Variants in SIPA1L1 observed in about 807,000 individuals in gnomAD.
SIPA1L1 encodes signal-induced proliferation-associated 1-like protein 1.
A neutral mutation model predicts 162.7 loss-of-function variants in SIPA1L1; 26 were observed. The ratio of observed to expected loss-of-function variants is 0.16; its 90% CI spans 0.12 to 0.22. SIPA1L1 has a LOEUF of 0.22. Among genes scored for constraint, SIPA1L1 ranks in the 10% least tolerant of loss-of-function variants. SIPA1L1 has a pLI of 1.00. For synonymous variants in SIPA1L1, 829 were observed against 837.4 expected, an observed-to-expected ratio of 0.99 and a Z score of 0.17; for missense variants, 1,874 against 2,241.0, an observed-to-expected ratio of 0.84 and a Z score of 3.31.
At chr14:71,468,044 G>GTGTGTGTC (rs1347189304) in intron 2 of SIPA1L1, among the ~76,000 whole-genome samples, 2 of 145,470 alleles carry the variant, frequency 1.4e-5, no homozygotes, top group African/African-American at 2.5e-5. Context: ...GTGTGTGTGT[G>GTGTGTGTC]TGTCTGTCTG....
intron 4 of SIPA1L1, among the ~76,000 whole-genome samples, chr14:71,565,826 A>T (rs1040526072): frequency 9.1e-5 from 4 of 43,796 alleles, no homozygotes; most frequent in Non-Finnish European, 1.1e-4. Flanking sequence ...AAATATTTAT[A>T]AAAAAAATCC....
chr14:71,410,158 T>G (rs2042304176), intron 2 of SIPA1L1, among the ~76,000 whole-genome samples: 1 of 152,252 alleles, frequency 6.6e-6, no homozygotes, highest in African/African-American at 2.4e-5. Flanking sequence ...ATGACAATAC[T>G]GTATTTAATT....
intron 19 of SIPA1L1, among the ~76,000 whole-genome samples, chr14:71,725,195 A>G (rs906745894): frequency 6.6e-6 from 1 of 152,228 alleles, no homozygotes; most frequent in Non-Finnish European, 1.5e-5. Context: ...AACGTTTTCC[A>G]TAAGGGTTTT....
At chr14:71,422,398 G>T (rs528450281) in intron 2 of SIPA1L1, among the ~76,000 whole-genome samples, 1 of 152,184 alleles carries the variant, frequency 6.6e-6, no homozygotes, top group South Asian at 2.1e-4. Flanking sequence ...ATGTTGTCCA[G>T]CTGTCACCAC....
intron 2 of SIPA1L1, among the ~76,000 whole-genome samples, chr14:71,366,229 G>C (rs2038282859): frequency 6.6e-6 from 1 of 152,090 alleles, no homozygotes; most frequent in Non-Finnish European, 1.5e-5. Context: ...AAGTCTTAGT[G>C]GTGGTGTAGT....
At position 71,699,041 on chromosome 14, in the gene SIPA1L1, G is replaced by T; in HGVS notation, c.3435G>T (p.Gln1145His). The T allele has an allele frequency of 6.2e-7, 1 of 1,614,220 alleles. No individual in the cohort carries two copies. Among genetic ancestry groups the T allele is most frequent in the Non-Finnish European group, 8.5e-7 (1 of 1,180,024 alleles). Residue 1145 changes from glutamine to histidine, a missense_variant, in exon 14 of 24, where the codon CAG becomes CAT. Gln to His is a conservative substitution (Grantham distance 24). Coordinates refer to ENST00000381232, the MANE Select transcript of SIPA1L1 (RefSeq NM_001386936.1). The stretch of plus-strand genomic sequence containing the variant: ...CATCCATGGCTTTAGCAAGATCCCA[G>T]TGTCGGAACTCTCCTAGCAACTTGT... ...TVSSMALARS[Q>H]CRNSPSNLSS...
intron 2 of SIPA1L1, among the ~76,000 whole-genome samples, chr14:71,509,008 A>G (rs2050898137): frequency 6.6e-6 from 1 of 152,162 alleles, no homozygotes; most frequent in South Asian, 2.1e-4. Context: ...TCCCTGGCTC[A>G]CCATCCAAGG....
At chr14:71,467,512 A>G (rs529409562) in intron 2 of SIPA1L1, among the ~76,000 whole-genome samples, 100 of 152,342 alleles carry the variant, frequency 6.6e-4, no homozygotes, top group Non-Finnish European at 1.1e-3. Context: ...GTAGAAGCCT[A>G]TTAAAATCTT....
chr14:71,625,211 A>G (rs531896481), intron 7 of SIPA1L1, among the ~76,000 whole-genome samples: 3 of 152,320 alleles, frequency 2.0e-5, no homozygotes, highest in African/African-American at 7.2e-5. Context: ...TGAGAGTCCA[A>G]AAAATCAGTT....
Position 71,377,958 on chromosome 14 carries a change from G to A in SIPA1L1, c.-465+56777G>A, listed in dbSNP as rs1045882351. On this transcript the variant is annotated intron_variant, in intron 2 of 23. Coordinates refer to ENST00000381232, the MANE Select transcript of SIPA1L1 (RefSeq NM_001386936.1). This position sits in a 1 kb window ranked among gnomAD's most constrained non-coding sequence, Gnocchi z 4.8. Reference sequence around the variant, plus strand: ...CCAGCCTCGGCAACCGAGGGAGACCGTGGAAAGCAGGAGATGGAGACGAGG... The same window carrying A: ...CCAGCCTCGGCAACCGAGGGAGACCATGGAAAGCAGGAGATGGAGACGAGG... 1.2e-4 allele frequency among the ~76,000 whole-genome samples: 19 copies of A among 152,182 alleles called. No homozygotes were observed. The highest frequency in any genetic ancestry group is 7.2e-4 in the Admixed American group (11 of 15,282).
chr14:71,465,307 A>C (rs773042944), intron 2 of SIPA1L1, among the ~76,000 whole-genome samples: 12 of 152,224 alleles, frequency 7.9e-5, no homozygotes, highest in Non-Finnish European at 1.5e-4. Flanking sequence ...TACAGCAGAT[A>C]AGACTCTCAC....
intron 2 of SIPA1L1, among the ~76,000 whole-genome samples, chr14:71,346,200 C>G (rs2140496172): frequency 6.6e-6 from 1 of 152,218 alleles, no homozygotes; most frequent in Non-Finnish European, 1.5e-5. Flanking sequence ...GCCACCGCAC[C>G]CAGTCAAATT....
At position 71,589,293 on chromosome 14, in the gene SIPA1L1, T is replaced by C; in HGVS notation, c.1421T>C (p.Leu474Pro). 1 of 1,613,948 alleles carries C rather than the reference T, an allele frequency of 6.2e-7. No homozygotes were observed. Among genetic ancestry groups the C allele is most frequent in the Middle Eastern group, 1.6e-4 (1 of 6,062 alleles). Residue 474 changes from leucine to proline, a missense_variant, in exon 5 of 24, where the codon CTA becomes CCA. Transcript: ENST00000381232. ...EVPKENLVLH[L>P]DRVKRYIVEH... ...CCCAAGGAGAACTTGGTGTTGCACCTAGATAGAGTGAAAAGATACATCGTG... is the reference window on the plus strand; with the variant it reads ...CCCAAGGAGAACTTGGTGTTGCACCCAGATAGAGTGAAAAGATACATCGTG...
At chr14:71,678,957 T>C (rs2045506333) in intron 12 of SIPA1L1, among the ~76,000 whole-genome samples, 1 of 152,060 alleles carries the variant, frequency 6.6e-6, no homozygotes, top group Non-Finnish European at 1.5e-5. Flanking sequence ...AATCTACGTC[T>C]GATTGGTGTA....
chr14:71,439,421 A>C (rs2044660070), intron 2 of SIPA1L1, among the ~76,000 whole-genome samples: 1 of 152,220 alleles, frequency 6.6e-6, no homozygotes, highest in South Asian at 2.1e-4. Context: ...AATAGAAAAC[A>C]GATGTTTTAA....
At chr14:71,717,603 A>C (rs1324809556) in intron 17 of SIPA1L1, among the ~76,000 whole-genome samples, 1 of 152,222 alleles carries the variant, frequency 6.6e-6, no homozygotes, top group South Asian at 2.1e-4. Flanking sequence ...TTCCAGGATA[A>C]TGAAAGAGCC....
chr14:71,612,144 T>A (rs72729956), intron 5 of SIPA1L1, among the ~76,000 whole-genome samples: 19,374 of 152,184 alleles, frequency 0.13, 1,322 homozygotes, highest in East Asian at 0.27. Context: ...ACTTATGGTG[T>A]TTTTTTCTTG....
At chr14:71,467,810 G>A (rs2142083658) in intron 2 of SIPA1L1, among the ~76,000 whole-genome samples, 1 of 145,712 alleles carries the variant, frequency 6.9e-6, no homozygotes, top group African/African-American at 2.5e-5. Flanking sequence ...GAGGCCAGCA[G>A]TTCAGGACCA....
chr14:71,365,745 T>C (rs1162209611), intron 2 of SIPA1L1, among the ~76,000 whole-genome samples: 1 of 151,640 alleles, frequency 6.6e-6, no homozygotes, highest in African/African-American at 2.4e-5. Context: ...TTTTTTTTTT[T>C]AGCAGGGTCT....
Sources: allele counts gnomAD v4.1 joint callset (sites outside exome capture counted in the v4.1 genomes callset), GRCh38; gene constraint gnomAD v4.1.1; non-coding constraint Gnocchi (gnomAD v3.1); transcripts MANE v1.5; gene names NCBI Gene and HGNC (gene_info 2026-07-23, HGNC 2026-07-21).